PAM: variants seen among roughly 807,000 people sequenced by gnomAD.
The protein encoded by PAM is peptidyl-glycine alpha-amidating monooxygenase.
Under a neutral mutation model 122.1 loss-of-function variants are expected in PAM, and 72 were observed. That is an observed-to-expected ratio of 0.59 (90% CI 0.49 to 0.72). The LOEUF (loss-of-function observed/expected upper bound fraction) is 0.72, where lower values mean the gene tolerates loss of function less well. Among genes scored for constraint, PAM ranks in the 30% least tolerant of loss-of-function variants. PAM has a pLI of 0.00. For synonymous variants in PAM, 389 were observed against 404.4 expected, an observed-to-expected ratio of 0.96 and a Z score of 0.46; for missense variants, 1,106 against 1,183.7, an observed-to-expected ratio of 0.93 and a Z score of 0.96.
chr5:102,825,316 A>G (rs1227177492), intron 1 of PAM, among the ~76,000 whole-genome samples: 1 of 152,184 alleles, frequency 6.6e-6, no homozygotes, highest in African/African-American at 2.4e-5. Context: ...CTGGCTTTCA[A>G]TCTAAAACTA....
At chr5:102,987,630 C>T in intron 15 of PAM, 1 of 421,304 alleles carries the variant, frequency 2.4e-6, no homozygotes, top group Non-Finnish European at 4.7e-6. Context: ...ATCACATGTA[C>T]CCTATAAATA....
At chr5:102,817,702 A>G (rs897536348) in intron 1 of PAM, among the ~76,000 whole-genome samples, 1 of 131,890 alleles carries the variant, frequency 7.6e-6, no homozygotes, top group Admixed American at 8.2e-5. Flanking sequence ...ATGTCAATAG[A>G]GTGGCCACAG....
At chr5:102,884,672 A>T (rs745670567) in intron 3 of PAM, among the ~76,000 whole-genome samples, 5 of 151,958 alleles carry the variant, frequency 3.3e-5, no homozygotes, top group Non-Finnish European at 7.4e-5. Flanking sequence ...CAAGAAAAGC[A>T]TTTGGAACTA....
chr5:102,990,221 A>C, intron 15 of PAM, 51 bp from the exon 16 acceptor site: 1 of 1,386,798 alleles, frequency 7.2e-7, no homozygotes, highest in Admixed American at 2.3e-5. Context: ...AATCCTCATG[A>C]GGCAATTCGA....
Position 102,785,545 on chromosome 5 carries a change from A to C in PAM, c.-374+30197A>C, listed in dbSNP as rs114848641. On this transcript the variant is annotated intron_variant, in intron 1 of 25. Transcript: ENST00000438793. Reference sequence around the variant, plus strand: ...GAGTGGTGGTTATAGGAAGGAAGGAAGGTGGTGGGATCAGGAGATGTTTCA... The same window carrying C: ...GAGTGGTGGTTATAGGAAGGAAGGACGGTGGTGGGATCAGGAGATGTTTCA... Among the ~76,000 whole-genome samples, 621 of 152,314 alleles carry C rather than the reference A, an allele frequency of 4.1e-3. 3 individuals carry two copies. The highest frequency in any genetic ancestry group is 0.014 in the African/African-American group (599 of 41,574).
chr5:102,969,067 A>G (rs1016180666), intron 14 of PAM, among the ~76,000 whole-genome samples: 9 of 151,922 alleles, frequency 5.9e-5, no homozygotes, highest in African/African-American at 9.7e-5. Flanking sequence ...GGAGGGGAAC[A>G]TCACACACCA....
chr5:103,021,568 G>A (rs1783555403), intron 23 of PAM, among the ~76,000 whole-genome samples: 2 of 152,100 alleles, frequency 1.3e-5, no homozygotes, highest in Admixed American at 1.3e-4. Context: ...CGACTTTGTG[G>A]AAGTGGTTTG....
intron 1 of PAM, among the ~76,000 whole-genome samples, chr5:102,791,971 T>C (rs997483015): frequency 6.6e-6 from 1 of 152,188 alleles, no homozygotes; most frequent in Admixed American, 6.5e-5. Context: ...TACTGGGCAA[T>C]ATACAAACAT....
intron 1 of PAM, among the ~76,000 whole-genome samples, chr5:102,828,183 A>G (rs939154492): frequency 2.0e-5 from 3 of 151,828 alleles, no homozygotes; most frequent in African/African-American, 7.3e-5. Context: ...TACTACAAAT[A>G]CAAAAGAAAA....
chr5:102,878,659 A>G (rs1222810998), intron 3 of PAM, among the ~76,000 whole-genome samples: 1 of 152,110 alleles, frequency 6.6e-6, no homozygotes, highest in Non-Finnish European at 1.5e-5. Flanking sequence ...TAGTGCTATT[A>G]AATAATCTTG....
intron 1 of PAM, among the ~76,000 whole-genome samples, chr5:102,861,570 C>T (rs1424939301): frequency 6.6e-6 from 1 of 152,140 alleles, no homozygotes; most frequent in Non-Finnish European, 1.5e-5. Context: ...ACACCTGATT[C>T]TGAACTGGAT....
chr5:102,901,911 A>T (rs1253182259), intron 4 of PAM, among the ~76,000 whole-genome samples: 4 of 151,582 alleles, frequency 2.6e-5, no homozygotes, highest in Admixed American at 1.3e-4. Flanking sequence ...TGGAAGAAAG[A>T]ACATTTATGT....
chr5:102,829,245 T>G (rs2150405217), intron 1 of PAM, among the ~76,000 whole-genome samples: 1 of 152,310 alleles, frequency 6.6e-6, no homozygotes, highest in South Asian at 2.1e-4. Flanking sequence ...CAACGTTAAA[T>G]GGTTATAATT....
intron 1 of PAM, among the ~76,000 whole-genome samples, chr5:102,782,049 T>C (rs1373147888): frequency 6.6e-6 from 1 of 152,170 alleles, no homozygotes; most frequent in Non-Finnish European, 1.5e-5. Flanking sequence ...GCCTTAAACT[T>C]TGAACTGAAT....
At chr5:102,952,486 A>G (rs1475416272) in intron 12 of PAM, among the ~76,000 whole-genome samples, 1 of 152,180 alleles carries the variant, frequency 6.6e-6, no homozygotes, top group Non-Finnish European at 1.5e-5. Context: ...TTTGTAATAA[A>G]AATGAAATAG....
chr5:102,957,897 G>T (rs1761280663), intron 12 of PAM, among the ~76,000 whole-genome samples: 1 of 152,102 alleles, frequency 6.6e-6, no homozygotes, highest in African/African-American at 2.4e-5. Flanking sequence ...GGTAATAATT[G>T]TGGAAATACT....
At chr5:102,824,746 T>A (rs1376217421) in intron 1 of PAM, among the ~76,000 whole-genome samples, 2 of 150,962 alleles carry the variant, frequency 1.3e-5, no homozygotes, top group South Asian at 2.1e-4. Flanking sequence ...GGTGACAGTG[T>A]TTCCTAATTA....
chr5:102,941,833 CAAAAA>C (rs70990420), intron 7 of PAM, among the ~76,000 whole-genome samples: 3 of 58,382 alleles, frequency 5.1e-5, no homozygotes, highest in Non-Finnish European at 9.4e-5. Flanking sequence ...CCAGATGGTA[CAAAAA>C]AAAAAAAAAA....
rs563181893 is a variant in PAM, at chr5:102,765,558, G to A, written c.-374+10210G>A. Among the ~76,000 whole-genome samples the A allele has an allele frequency of 3.9e-5, 6 of 152,250 alleles. 1 individual carries two copies. In the South Asian group the frequency reaches 1.0e-3, roughly 26 times the overall value. On this transcript the variant is annotated intron_variant, in intron 1 of 25. Coordinates refer to ENST00000438793, the MANE Select transcript of PAM (RefSeq NM_001177306.2). ...CAGCCACACCATGCAAGCTTGGGCC[G>A]ACTTCATCTACAACCTGCATATTAG...
Sources: allele counts gnomAD v4.1 joint callset (sites outside exome capture counted in the v4.1 genomes callset), GRCh38; gene constraint gnomAD v4.1.1; transcripts MANE v1.5; gene names NCBI Gene and HGNC (gene_info 2026-07-23, HGNC 2026-07-21).